Variants in NCKAP5 observed in about 807,000 individuals in gnomAD.
NCKAP5 encodes the protein nck-associated protein 5.
A neutral mutation model predicts 167.0 loss-of-function variants in NCKAP5; 92 were observed. The observed-to-expected ratio is 0.55, with a 90% confidence interval of 0.47 to 0.66. The LOEUF is 0.66. NCKAP5 is among the 30% of genes least tolerant of loss of function. The pLI is 0.00. For missense variants in NCKAP5, 2,378 were observed against 2,315.0 expected (o/e 1.03, Z -0.56); for synonymous variants, 891 against 877.4 (o/e 1.02, Z -0.27).
the NCKAP5 span, among the ~76,000 whole-genome samples, chr2:133,624,088 G>T: frequency 6.6e-6 from 1 of 151,998 alleles, no homozygotes; most frequent in Non-Finnish European, 1.5e-5. Context: ...CTATGAGGAC[G>T]CAAAGGCATA....
intron 7 of NCKAP5, among the ~76,000 whole-genome samples, chr2:132,993,853 C>T (rs1266465632): frequency 6.6e-6 from 1 of 152,224 alleles, no homozygotes; most frequent in Non-Finnish European, 1.5e-5. Context: ...ACACACCTCT[C>T]TTTTAGTCCT....
At chr2:133,352,477 T>C (rs2150822546) in intron 3 of NCKAP5, among the ~76,000 whole-genome samples, 1 of 152,368 alleles carries the variant, frequency 6.6e-6, no homozygotes, top group South Asian at 2.1e-4. Flanking sequence ...GGATACGTTA[T>C]GAGGCATAGA....
chr2:132,817,565 G>A (rs1296721860), intron 11 of NCKAP5, among the ~76,000 whole-genome samples: 1 of 152,116 alleles, frequency 6.6e-6, no homozygotes, highest in African/African-American at 2.4e-5. Flanking sequence ...TGCTCCATGG[G>A]AGACCAATGG....
At chr2:132,978,470 A>G (rs1472555579) in intron 7 of NCKAP5, among the ~76,000 whole-genome samples, 1 of 152,194 alleles carries the variant, frequency 6.6e-6, no homozygotes, top group East Asian at 1.9e-4. Context: ...CATCTGTGAC[A>G]TCATTTCCTC....
intron 8 of NCKAP5, chr2:132,930,245 C>CT (rs1485740340): frequency 1.3e-5 from 2 of 152,142 alleles, no homozygotes; most frequent in African/African-American, 4.8e-5. Flanking sequence ...GGGGGAAGGA[C>CT]TAAAGGGCCC....
intron 8 of NCKAP5, among the ~76,000 whole-genome samples, chr2:132,914,365 T>C (rs1376951698): frequency 6.6e-6 from 1 of 152,114 alleles, no homozygotes; most frequent in Non-Finnish European, 1.5e-5. Flanking sequence ...CATTGTATAG[T>C]CTTTTATGAT....
chr2:133,584,033 C>T, the NCKAP5 span, among the ~76,000 whole-genome samples: 5 of 152,192 alleles, frequency 3.3e-5, no homozygotes, highest in Admixed American at 1.3e-4. Flanking sequence ...GGATTACAGG[C>T]GTGAGCCACC....
intron 11 of NCKAP5, among the ~76,000 whole-genome samples, chr2:132,834,318 T>A (rs1017828136): frequency 1.3e-5 from 2 of 152,116 alleles, no homozygotes; most frequent in Admixed American, 1.3e-4. Flanking sequence ...TACCTCAGCC[T>A]CCCGAGTAAT....
chr2:132,939,908 GA>G (rs1558967125), intron 8 of NCKAP5, among the ~76,000 whole-genome samples: 1 of 152,166 alleles, frequency 6.6e-6, no homozygotes, highest in Non-Finnish European at 1.5e-5. Flanking sequence ...GCTGAGGCAG[GA>G]GAATCACTTG....
chr2:133,492,814 T>A (rs932880290), intron 3 of NCKAP5, among the ~76,000 whole-genome samples: 1 of 152,194 alleles, frequency 6.6e-6, no homozygotes, highest in Non-Finnish European at 1.5e-5. Flanking sequence ...AAGGAATTCA[T>A]AGACTCAGTG....
the NCKAP5 span, among the ~76,000 whole-genome samples, chr2:133,588,594 T>C: frequency 5.9e-5 from 9 of 152,020 alleles, no homozygotes; most frequent in African/African-American, 2.2e-4. Flanking sequence ...GCATTAGAAT[T>C]ATAGAAGTGA....
chr2:132,956,543 C>T (rs139296182), intron 8 of NCKAP5, among the ~76,000 whole-genome samples: 1 of 152,326 alleles, frequency 6.6e-6, no homozygotes, highest in East Asian at 1.9e-4. Flanking sequence ...CCCGCATCAT[C>T]GATTTCGCCC....
chr2:132,768,867 C>T (rs1417234770), intron 16 of NCKAP5, among the ~76,000 whole-genome samples: 1 of 150,908 alleles, frequency 6.6e-6, no homozygotes, highest in Admixed American at 6.6e-5. Context: ...TCTGGATCTC[C>T]TGACCTCGTG....
intron 6 of NCKAP5, among the ~76,000 whole-genome samples, chr2:133,112,908 G>A (rs2081962018): frequency 6.6e-6 from 1 of 152,218 alleles, no homozygotes; most frequent in South Asian, 2.1e-4. Flanking sequence ...CCAGATGTGT[G>A]CATGGAATCT....
At chr2:133,194,225 T>C (rs1267067254) in intron 5 of NCKAP5, among the ~76,000 whole-genome samples, 3 of 152,068 alleles carry the variant, frequency 2.0e-5, no homozygotes, top group Non-Finnish European at 4.4e-5. Flanking sequence ...GGTTATCCTA[T>C]ACCTGAATTA....
At chr2:133,204,179 C>T (rs536154506) in intron 5 of NCKAP5, among the ~76,000 whole-genome samples, 1 of 152,066 alleles carries the variant, frequency 6.6e-6, no homozygotes, top group Non-Finnish European at 1.5e-5. Context: ...GTCTTCTTTT[C>T]TGATGGTATT....
rs572331192 is a variant in NCKAP5, at chr2:133,072,790, T to G, written c.341+57188A>C. Among the ~76,000 whole-genome samples the G allele has an allele frequency of 3.9e-5, 6 of 152,268 alleles. 1 individual carries two copies. The South Asian group carries it at 1.2e-3, about 32-fold the overall frequency. Reference sequence around the variant, plus strand: ...CAAAAATTAAGTATGTTTCAAAAATTGAACCAAGTCACGTTTGAGAAACAT... The same window carrying G: ...CAAAAATTAAGTATGTTTCAAAAATGGAACCAAGTCACGTTTGAGAAACAT... On this transcript the variant is annotated intron_variant, in intron 6 of 19. Coordinates refer to ENST00000409261, the MANE Select transcript of NCKAP5 (RefSeq NM_207363.3).
intron 8 of NCKAP5, among the ~76,000 whole-genome samples, chr2:132,896,133 C>T (rs923942161): frequency 1.3e-5 from 2 of 152,146 alleles, no homozygotes; most frequent in Non-Finnish European, 2.9e-5. Flanking sequence ...GAGACTCTGT[C>T]TCAAAAACAA....
At chr2:133,165,479 AT>A (rs2083962365) in intron 5 of NCKAP5, among the ~76,000 whole-genome samples, 1 of 152,214 alleles carries the variant, frequency 6.6e-6, no homozygotes, top group African/African-American at 2.4e-5. Context: ...TGGTACATCC[AT>A]GCAATGTGAA....
Sources: allele counts gnomAD v4.1 joint callset (sites outside exome capture counted in the v4.1 genomes callset), GRCh38; gene constraint gnomAD v4.1.1; transcripts MANE v1.5; gene names NCBI Gene and HGNC (gene_info 2026-07-23, HGNC 2026-07-21).